IRAG1: variants seen among roughly 807,000 people sequenced by gnomAD.
The protein encoded by IRAG1 is inositol 1,4,5-triphosphate receptor associated 1.
Under a neutral mutation model 106.2 loss-of-function variants are expected in IRAG1, and 62 were observed. That is an observed-to-expected ratio of 0.58 (90% CI 0.48 to 0.72). IRAG1 has a LOEUF of 0.72. IRAG1 is among the 30% of genes least tolerant of loss of function. The pLI, the probability that IRAG1 is intolerant of heterozygous loss-of-function variation, is 0.00. For synonymous variants in IRAG1, 462 were observed against 443.9 expected, an observed-to-expected ratio of 1.04 and a Z score of -0.51; for missense variants, 1,064 against 1,140.7, an observed-to-expected ratio of 0.93 and a Z score of 0.97.
At chr11:10,680,323 GGGAA>G (rs1277908778) in intron 1 of IRAG1, among the ~76,000 whole-genome samples, 10 of 86,576 alleles carry the variant, frequency 1.2e-4, no homozygotes, top group Non-Finnish European at 1.9e-4. Flanking sequence ...GGAGGGAGGG[GGGAA>G]GGAAGGAAGG....
chr11:10,655,076 A>C (rs1858816289), intron 1 of IRAG1, among the ~76,000 whole-genome samples: 1 of 152,154 alleles, frequency 6.6e-6, no homozygotes, highest in Non-Finnish European at 1.5e-5. Context: ...AGGGTAGCAA[A>C]AGACTAGCCA....
intron 1 of IRAG1, among the ~76,000 whole-genome samples, chr11:10,664,798 A>C (rs1427944499): frequency 6.6e-6 from 1 of 152,150 alleles, no homozygotes; most frequent in African/African-American, 2.4e-5. Flanking sequence ...TGAGTTCCAG[A>C]GGGTGAAAGC....
Position 10,580,597 on chromosome 11 carries a change from G to A in IRAG1, c.2361-8C>T, listed in dbSNP as rs1450319454. The A allele has an allele frequency of 9.3e-6, 15 of 1,609,054 alleles. No individual in the cohort carries two copies. The highest frequency in any genetic ancestry group is 1.1e-5 in the South Asian group (1 of 90,270). On this transcript the variant is annotated splice_polypyrimidine_tract_variant and splice_region_variant and intron_variant, in intron 19 of 20. Transcript: ENST00000423302. The stretch of plus-strand genomic sequence containing the variant: ...TTTAGACCTTCTTGGAATCTGGGGG[G>A]CAAAAAGGAACAGTTGAGTCTGGAA...
At chr11:10,594,758 C>T (rs1188314464) in intron 15 of IRAG1, among the ~76,000 whole-genome samples, 2 of 152,128 alleles carry the variant, frequency 1.3e-5, no homozygotes, top group Non-Finnish European at 2.9e-5. Flanking sequence ...CTGGATAATC[C>T]TACCACCAGG....
At chr11:10,639,628 C>A (rs944606772) in intron 2 of IRAG1, among the ~76,000 whole-genome samples, 1 of 152,114 alleles carries the variant, frequency 6.6e-6, no homozygotes. Flanking sequence ...ATTCTCACGC[C>A]CCCTCTCTGA....
intron 2 of IRAG1, among the ~76,000 whole-genome samples, chr11:10,640,924 T>C (rs1466582055): frequency 6.6e-6 from 1 of 152,232 alleles, no homozygotes; most frequent in Non-Finnish European, 1.5e-5. Context: ...ATTAAACAAG[T>C]TGATATAGAA....
Position 10,633,953 on chromosome 11 carries a change from A to T in IRAG1, c.329+15T>A. 1 of 1,536,578 alleles carries T rather than the reference A, an allele frequency of 6.5e-7. No homozygotes were observed. Among genetic ancestry groups the T allele is most frequent in the Non-Finnish European group, 9.0e-7 (1 of 1,113,694 alleles). Reference sequence around the variant, plus strand: ...AAATATTGTTTGTCACAATGCAAGGATCAGGCACCTGTACCTGTTGGCCAG... The same window carrying T: ...AAATATTGTTTGTCACAATGCAAGGTTCAGGCACCTGTACCTGTTGGCCAG... On this transcript the variant is annotated intron_variant, in intron 3 of 20. Coordinates refer to ENST00000423302, the MANE Select transcript of IRAG1 (RefSeq NM_130385.4).
At chr11:10,603,313 T>G (rs1854188658) in intron 13 of IRAG1, 62 bp from the exon 14 acceptor site, 1 of 1,576,226 alleles carries the variant, frequency 6.3e-7, no homozygotes, top group African/African-American at 1.3e-5. Context: ...AAATCAGCAG[T>G]CCCCAACCTT....
intron 1 of IRAG1, among the ~76,000 whole-genome samples, chr11:10,677,381 CA>C (rs1860768881): frequency 6.6e-6 from 1 of 152,076 alleles, no homozygotes; most frequent in South Asian, 2.1e-4. Context: ...GTAATTTATA[CA>C]TTTTTTTTGA....
chr11:10,683,144 T>C (rs1861394042), intron 1 of IRAG1, among the ~76,000 whole-genome samples: 1 of 152,216 alleles, frequency 6.6e-6, no homozygotes, highest in East Asian at 1.9e-4. Context: ...TGCTGGTTCA[T>C]GTATTGAAAG....
chr11:10,588,507 G>A (rs1395390511), intron 18 of IRAG1, among the ~76,000 whole-genome samples: 3 of 152,084 alleles, frequency 2.0e-5, no homozygotes, highest in Non-Finnish European at 2.9e-5. Context: ...ACGCCACCAC[G>A]CCTGGCTAAT....
At chr11:10,676,830 G>A (rs1368368459) in intron 1 of IRAG1, among the ~76,000 whole-genome samples, 1 of 152,206 alleles carries the variant, frequency 6.6e-6, no homozygotes, top group Non-Finnish European at 1.5e-5. Flanking sequence ...CAGAATCCTG[G>A]CAAATGCCAA....
intron 1 of IRAG1, among the ~76,000 whole-genome samples, chr11:10,693,021 G>A (rs962926188): frequency 6.6e-6 from 1 of 152,110 alleles, no homozygotes; most frequent in Non-Finnish European, 1.5e-5. Context: ...ATAAAAACAG[G>A]GACTGTGACA....
At chr11:10,639,775 G>A (rs185804639) in intron 2 of IRAG1, among the ~76,000 whole-genome samples, 50 of 152,164 alleles carry the variant, frequency 3.3e-4, no homozygotes, top group Non-Finnish European at 5.6e-4. Context: ...TTGTATGATT[G>A]ACTCACAAAC....
At chr11:10,629,062 C>T (rs1856493515) in intron 5 of IRAG1, among the ~76,000 whole-genome samples, 1 of 152,058 alleles carries the variant, frequency 6.6e-6, no homozygotes, top group African/African-American at 2.4e-5. Context: ...AGTCACACTT[C>T]TCAGCCTGCC....
At chr11:10,637,178 T>C (rs895159779) in intron 2 of IRAG1, among the ~76,000 whole-genome samples, 4 of 152,208 alleles carry the variant, frequency 2.6e-5, no homozygotes, top group Non-Finnish European at 5.9e-5. Flanking sequence ...GCCCAGTTAT[T>C]AGAACATCTA....
chr11:10,603,274 C>G, intron 13 of IRAG1, 23 bp from the exon 14 acceptor site: 2 of 1,611,296 alleles, frequency 1.2e-6, no homozygotes, highest in Non-Finnish European at 1.7e-6. Context: ...AGGAGCATCA[C>G]CTGGGGTCCT....
chr11:10,574,344 A>G lies in IRAG1; in HGVS notation c.*1988T>C, dbSNP rs1850718427. 1 of 152,144 alleles carries G rather than the reference A, an allele frequency of 6.6e-6. No homozygotes were observed. Among genetic ancestry groups the G allele is most frequent in the African/African-American group, 2.4e-5 (1 of 41,424 alleles). The allele number at this position is 152,144 out of a possible 1,614,324, so 9.4% of individuals were successfully genotyped here. A position where few individuals can be genotyped will look rare whatever the true frequency, so the allele number is the denominator to read the frequency against. ...CCTTAAATGTTTGCTTGTTCTTTTG[A>G]GCAACATTTAATGACACCCTCCCAA... On this transcript the variant is annotated 3_prime_UTR_variant, in exon 21 of 21. Coordinates refer to ENST00000423302, the MANE Select transcript of IRAG1 (RefSeq NM_130385.4).
At chr11:10,634,568 T>C (rs1856992162) in intron 2 of IRAG1, among the ~76,000 whole-genome samples, 1 of 152,202 alleles carries the variant, frequency 6.6e-6, no homozygotes, top group Admixed American at 6.5e-5. Flanking sequence ...CCCCAGTCAC[T>C]GGCAACCACC....
Sources: allele counts gnomAD v4.1 joint callset (sites outside exome capture counted in the v4.1 genomes callset), GRCh38; gene constraint gnomAD v4.1.1; transcripts MANE v1.5; gene names NCBI Gene and HGNC (gene_info 2026-07-23, HGNC 2026-07-21).